The following KIAA2012 variants were observed in gnomAD, a reference collection of about 807,000 sequenced individuals.
KIAA2012 encodes uncharacterized protein KIAA2012.
In KIAA2012, 125 loss-of-function variants were observed where a neutral mutation model predicts 150.6. That is an observed-to-expected ratio of 0.83 (90% CI 0.72 to 0.96). The LOEUF is 0.96. KIAA2012 is among the 40% of genes least tolerant of loss of function. The pLI, the probability that KIAA2012 is intolerant of heterozygous loss-of-function variation, is 0.00. For synonymous variants in KIAA2012, 462 were observed against 504.7 expected (o/e 0.92, Z 1.13); for missense variants, 1,219 against 1,354.9 (o/e 0.90, Z 1.57).
intron 12 of KIAA2012, among the ~76,000 whole-genome samples, chr2:202,126,617 ATGGTGG>A (rs60119764): frequency 1.3e-3 from 188 of 146,248 alleles, no homozygotes; most frequent in East Asian, 1.4e-3. Context: ...AATGATGATG[ATGGTGG>A]TGGTGGTGGT....
chr2:202,186,848 G>A, intron 16 of KIAA2012, 85 bp from the exon 17 acceptor site: 1 of 1,360,842 alleles, frequency 7.3e-7, no homozygotes, highest in Non-Finnish European at 1.0e-6. Flanking sequence ...GCAGAGAACA[G>A]GTGCTCGATG....
At chr2:202,106,248 C>T (rs1690187625) in intron 9 of KIAA2012, among the ~76,000 whole-genome samples, 1 of 152,212 alleles carries the variant, frequency 6.6e-6, no homozygotes, top group Non-Finnish European at 1.5e-5. Flanking sequence ...CCTAACTCAT[C>T]CCACCACTAT....
intron 23 of KIAA2012, among the ~76,000 whole-genome samples, chr2:202,204,301 T>C (rs1692595901): frequency 6.6e-6 from 1 of 152,110 alleles, no homozygotes; most frequent in Admixed American, 6.6e-5. Context: ...GGTCTCAAAA[T>C]CCTGGGCTCG....
chr2:202,130,510 T>G (rs988470944), intron 12 of KIAA2012, among the ~76,000 whole-genome samples: 8 of 152,204 alleles, frequency 5.3e-5, no homozygotes, highest in African/African-American at 1.9e-4. Context: ...ATATTAAATT[T>G]TCTTCTGTCA....
chr2:202,095,187 A>T (rs1459788461), intron 4 of KIAA2012, among the ~76,000 whole-genome samples: 1 of 152,178 alleles, frequency 6.6e-6, no homozygotes, highest in African/African-American at 2.4e-5. Context: ...GCCCATGATC[A>T]TAGGGGCCAA....
At position 202,184,858 on chromosome 2, in the gene KIAA2012, T is replaced by C. The variant is rs1479519148; in HGVS notation, c.2210+15T>C. On this transcript the variant is annotated intron_variant, in intron 16 of 23. Transcript: ENST00000498697. ...GTGCAAAAAGTGTAAGTGTTCAAAG[T>C]TGTAATAACATAGGCTTCTCTGCTT... The C allele has an allele frequency of 2.6e-6, 4 of 1,530,274 alleles. No homozygotes were observed. Among genetic ancestry groups the C allele is most frequent in the African/African-American group, 1.4e-5 (1 of 71,860 alleles). The allele number at this position is 1,530,274 out of a possible 1,614,324, so 94.8% of individuals were successfully genotyped here. A position where few individuals can be genotyped will look rare whatever the true frequency, so the allele number is the denominator to read the frequency against.
At chr2:202,197,198 T>G (rs1692431490) in intron 22 of KIAA2012, 179 bp downstream of exon 22, 2 of 948,956 alleles carry the variant, frequency 2.1e-6, no homozygotes, top group Non-Finnish European at 3.1e-6. Flanking sequence ...GATTCCTTTG[T>G]AGCTTAATGA....
intron 11 of KIAA2012, among the ~76,000 whole-genome samples, chr2:202,123,660 T>C (rs1032149366): frequency 3.3e-5 from 5 of 152,152 alleles, no homozygotes; most frequent in African/African-American, 1.2e-4. Context: ...TCTAGTCTAT[T>C]TGTTATTGGT....
Position 202,146,423 on chromosome 2 carries a change from G to C in KIAA2012, c.1908+7915G>C, listed in dbSNP as rs1488588703. ...TGAGGTGGGTGGATTACGAGGTCAG[G>C]AGATGGAGACCATCCTGGCTAACAA... On this transcript the variant is annotated intron_variant, in intron 13 of 23. Transcript: ENST00000498697. Among the ~76,000 whole-genome samples the C allele has an allele frequency of 2.0e-5, 3 of 152,060 alleles. 1 individual carries two copies. Among genetic ancestry groups the C allele is most frequent in the Non-Finnish European group, 4.4e-5 (3 of 68,010 alleles).
chr2:202,204,225 TACC>T (rs979547165), intron 23 of KIAA2012, among the ~76,000 whole-genome samples: 61 of 152,082 alleles, frequency 4.0e-4, no homozygotes, highest in African/African-American at 1.4e-3. Context: ...TATAGGCACG[TACC>T]ACCACACTTG....
chr2:202,105,512 G>A (rs903860897), intron 8 of KIAA2012, among the ~76,000 whole-genome samples: 20 of 152,180 alleles, frequency 1.3e-4, no homozygotes, highest in African/African-American at 4.6e-4. Flanking sequence ...CTCTTGCAAA[G>A]CGCAGAAATC....
At position 202,081,104 on chromosome 2, in the gene KIAA2012, C is replaced by T. The variant is rs188253727; in HGVS notation, c.369+5929C>T. On this transcript the variant is annotated intron_variant, in intron 2 of 23. Coordinates refer to ENST00000498697, the MANE Select transcript of KIAA2012 (RefSeq NM_001277372.4). The stretch of plus-strand genomic sequence containing the variant: ...TGAAAGCATACAGTTGTATCCTTTG[C>T]GGCTAACTTGTTTCACTTAGCATAA... Among the ~76,000 whole-genome samples, 45 of 152,288 alleles carry T rather than the reference C, an allele frequency of 3.0e-4. No individual in the cohort carries two copies. The East Asian group carries it at 7.7e-3, about 26-fold the overall frequency.
intron 7 of KIAA2012, among the ~76,000 whole-genome samples, chr2:202,101,907 T>A (rs1476430538): frequency 1.3e-5 from 2 of 152,164 alleles, no homozygotes; most frequent in Non-Finnish European, 2.9e-5. Flanking sequence ...TTCTGATCTT[T>A]TTTTTTCTTT....
At chr2:202,199,582 G>C (rs531336007) in intron 22 of KIAA2012, among the ~76,000 whole-genome samples, 209 of 152,056 alleles carry the variant, frequency 1.4e-3, no homozygotes, top group African/African-American at 4.8e-3. Flanking sequence ...AACAGTCAAC[G>C]GTACAAACAT....
At chr2:202,139,485 G>A (rs1291357541) in intron 13 of KIAA2012, among the ~76,000 whole-genome samples, 1 of 152,088 alleles carries the variant, frequency 6.6e-6, no homozygotes, top group Non-Finnish European at 1.5e-5. Flanking sequence ...CCATGATCTT[G>A]ACTTCTCCAT....
intron 19 of KIAA2012, among the ~76,000 whole-genome samples, chr2:202,191,818 T>C (rs1692331246): frequency 6.6e-6 from 1 of 152,212 alleles, no homozygotes; most frequent in Non-Finnish European, 1.5e-5. Context: ...TACATTAACC[T>C]TTACCACACT....
intron 13 of KIAA2012, 101 bp from the exon 14 acceptor site, chr2:202,154,572 T>A: frequency 9.1e-7 from 1 of 1,101,562 alleles, no homozygotes. Flanking sequence ...TTTCAATGAT[T>A]TTTAAAATTG....
In KIAA2012 at chr2:202,075,104, A is replaced by G. The variant is rs1174290792; in HGVS notation, c.298A>G (p.Arg100Gly). Residue 100 changes from arginine (R) to glycine (G), a missense_variant, in exon 2 of 24, where the codon AGG (arginine) becomes GGG (glycine). Arg to Gly is a moderately radical substitution (Grantham distance 125, BLOSUM62 -2). Transcript: ENST00000498697. ...KGPYCPRGPW[R>G]KLDLELHTLQ... is the part of the protein sequence containing the mutation. ...CCCCTACTGCCCCAGAGGTCCCTGG[A>G]GGAAGCTGGATCTTGAACTGCACAC... 1 of 1,550,532 alleles carries G rather than the reference A, an allele frequency of 6.4e-7. No individual in the cohort carries two copies. The highest frequency in any genetic ancestry group is 2.0e-5 in the Admixed American group (1 of 51,008).
rs773124134 is a variant in KIAA2012, at chr2:202,194,362, G to A, written c.3187G>A (p.Glu1063Lys). 35 of 1,549,370 alleles carry A rather than the reference G, an allele frequency of 2.3e-5. No individual in the cohort carries two copies. The highest frequency in any genetic ancestry group is 1.2e-4 in the South Asian group (10 of 83,992). Residue 1063 changes from glutamate to lysine, a missense_variant and splice_region_variant, in exon 21 of 24, where the codon GAG becomes AAG. Physicochemically the swap from Glu to Lys is moderately conservative, Grantham distance 56. Coordinates refer to ENST00000498697, the MANE Select transcript of KIAA2012 (RefSeq NM_001277372.4). The part of the protein sequence containing the change: ...KKQQEEAERA[E>K]AEKQRQEELE... ...GCAGCAGGAGGAAGCCGAGAGGGCC[G>A]GTGAGGGGGTTCTTGAGCTCTTTGC...
Sources: allele counts gnomAD v4.1 joint callset (sites outside exome capture counted in the v4.1 genomes callset), GRCh38; gene constraint gnomAD v4.1.1; transcripts MANE v1.5; gene names NCBI Gene and HGNC (gene_info 2026-07-23, HGNC 2026-07-21).